PHF14: variants seen among roughly 807,000 people sequenced by gnomAD.
PHF14 encodes PHD finger protein 14.
In PHF14, 55 loss-of-function variants were observed where a neutral mutation model predicts 117.9. That is an observed-to-expected ratio of 0.47 (90% CI 0.38 to 0.58). The LOEUF (loss-of-function observed/expected upper bound fraction) is 0.58, where lower values mean the gene tolerates loss of function less well. Among genes scored for constraint, PHF14 ranks in the 20% least tolerant of loss-of-function variants. The probability of loss-of-function intolerance (pLI) is 0.00; values close to 1 mark genes in which losing one functional copy is unlikely to be tolerated. For synonymous variants in PHF14, 409 were observed against 368.6 expected (o/e 1.11, Z -1.26); for missense variants, 978 against 1,122.2 (o/e 0.87, Z 1.84).
intron 5 of PHF14, among the ~76,000 whole-genome samples, chr7:11,016,575 C>T (rs945844586): frequency 1.3e-5 from 2 of 151,710 alleles, no homozygotes; most frequent in East Asian, 1.9e-4. Flanking sequence ...TTGGCATGCT[C>T]TCCTTTTTTA....
chr7:11,003,721 C>T (rs1424307727), intron 4 of PHF14, among the ~76,000 whole-genome samples: 2 of 152,070 alleles, frequency 1.3e-5, no homozygotes, highest in African/African-American at 4.8e-5. Flanking sequence ...AAGTTTATTA[C>T]CTTGAATTAA....
intron 17 of PHF14, among the ~76,000 whole-genome samples, chr7:11,116,919 T>C (rs946174423): frequency 6.6e-6 from 1 of 151,944 alleles, no homozygotes. Flanking sequence ...ATATTGTATA[T>C]TGCCATATAA....
intron 4 of PHF14, among the ~76,000 whole-genome samples, chr7:11,001,923 C>G (rs1782889277): frequency 6.6e-6 from 1 of 152,070 alleles, no homozygotes; most frequent in South Asian, 2.1e-4. Context: ...TGCCTCATAC[C>G]TCATCTTTGT....
intron 6 of PHF14, among the ~76,000 whole-genome samples, chr7:11,025,758 G>C (rs575001750): frequency 6.6e-6 from 1 of 152,058 alleles, no homozygotes; most frequent in Admixed American, 6.5e-5. Context: ...TCGTGCCATT[G>C]CCCTCCAGCC....
intron 13 of PHF14, among the ~76,000 whole-genome samples, chr7:11,047,643 T>C (rs1784715055): frequency 1.3e-5 from 2 of 149,804 alleles, no homozygotes; most frequent in Non-Finnish European, 3.0e-5. Flanking sequence ...AAAAATTAGC[T>C]AGGAATGGTG....
intron 16 of PHF14, among the ~76,000 whole-genome samples, chr7:11,070,744 G>C (rs1453177210): frequency 6.6e-6 from 1 of 152,198 alleles, no homozygotes; most frequent in African/African-American, 2.4e-5. Context: ...GGTGAGTATA[G>C]CATCTGGACC....
intron 17 of PHF14, among the ~76,000 whole-genome samples, chr7:11,142,082 G>A (rs1419724457): frequency 1.3e-5 from 2 of 151,930 alleles, no homozygotes; most frequent in African/African-American, 4.8e-5. Context: ...GTTGTTGTTA[G>A]TTTTGCTGCT....
chr7:11,024,862 A>C (rs1783856064), intron 6 of PHF14, among the ~76,000 whole-genome samples: 1 of 152,246 alleles, frequency 6.6e-6, no homozygotes, highest in Admixed American at 6.5e-5. Flanking sequence ...TGGATCAAGG[A>C]GTCATTTTGA....
At chr7:11,042,465 C>G (rs1413685151) in intron 12 of PHF14, among the ~76,000 whole-genome samples, 2 of 151,768 alleles carry the variant, frequency 1.3e-5, no homozygotes, top group African/African-American at 2.4e-5. Context: ...TAAATTTTTA[C>G]CAGATCCAAG....
chr7:11,139,651 G>A (rs1246493508), intron 17 of PHF14, among the ~76,000 whole-genome samples: 2 of 152,156 alleles, frequency 1.3e-5, no homozygotes, highest in Non-Finnish European at 2.9e-5. Context: ...TAAAGTACTG[G>A]AGGTTTAAAA....
chr7:11,150,584 AT>A (rs2128353872), intron 17 of PHF14, among the ~76,000 whole-genome samples: 1 of 152,322 alleles, frequency 6.6e-6, no homozygotes, highest in East Asian at 1.9e-4. Context: ...GCATCATTAA[AT>A]TTTTAAGTAA....
At chr7:11,001,309 G>C (rs1680478716) in intron 4 of PHF14, among the ~76,000 whole-genome samples, 1 of 152,116 alleles carries the variant, frequency 6.6e-6, no homozygotes, top group Non-Finnish European at 1.5e-5. Flanking sequence ...TTCATAGTAA[G>C]TCTTGAAGTT....
At chr7:11,103,312 T>C (rs1787153483) in intron 16 of PHF14, 1 of 878,056 alleles carries the variant, frequency 1.1e-6, no homozygotes, top group Non-Finnish European at 1.4e-6. Flanking sequence ...TGTTTTAATA[T>C]AAGCTTTCTG....
At chr7:10,993,682 G>A (rs979914909) in intron 4 of PHF14, among the ~76,000 whole-genome samples, 1 of 152,120 alleles carries the variant, frequency 6.6e-6, no homozygotes, top group Non-Finnish European at 1.5e-5. Context: ...TGTGAGGGTG[G>A]TTGGGTGAGT....
intron 5 of PHF14, among the ~76,000 whole-genome samples, chr7:11,021,294 GA>G (rs1202879231): frequency 3.3e-5 from 5 of 152,096 alleles, no homozygotes; most frequent in East Asian, 1.9e-4. Flanking sequence ...TAACAAGGAA[GA>G]TTTTTTTTTA....
chr7:11,090,052 T>G (rs562195373), intron 16 of PHF14, among the ~76,000 whole-genome samples: 17 of 152,368 alleles, frequency 1.1e-4, no homozygotes, highest in Non-Finnish European at 2.2e-4. Context: ...ATTACAGGCG[T>G]GAGCCACCTC....
At position 10,974,863 on chromosome 7, in the gene PHF14, G is replaced by T. The variant is rs1450237925; in HGVS notation, c.30G>T (p.Val10=). The T allele has an allele frequency of 6.3e-7, 1 of 1,591,348 alleles. No individual in the cohort carries two copies. Among genetic ancestry groups the T allele is most frequent in the African/African-American group, 1.3e-5 (1 of 74,542 alleles). The change falls in exon 2 of 18, where the codon GTG becomes GTT. Residue 10 remains valine (V), a synonymous_variant. Transcript: ENST00000634607. ...ATCGCAGCTCCAAGAGGAGGCAGGT[G>T]AAGCCTTTGGCAGCTTCTCTGCTGG... MDRSSKRRQ[V]KPLAASLLEA... is the part of the protein sequence containing the mutation.
intron 16 of PHF14, among the ~76,000 whole-genome samples, chr7:11,081,876 A>G (rs1221242541): frequency 6.6e-6 from 1 of 151,920 alleles, no homozygotes; most frequent in Non-Finnish European, 1.5e-5. Context: ...AAAGAGATTT[A>G]TGATCTTAAT....
intron 10 of PHF14, among the ~76,000 whole-genome samples, chr7:11,037,499 A>G (rs1237098567): frequency 2.0e-5 from 3 of 152,204 alleles, no homozygotes; most frequent in Admixed American, 6.5e-5. Flanking sequence ...TCTAATCAAT[A>G]AACATTGCTA....
Sources: gnomAD v4.1 joint callset for allele counts (sites outside exome capture counted in the v4.1 genomes callset) on GRCh38, gnomAD v4.1.1 for gene constraint, MANE v1.5 for transcripts, NCBI Gene and HGNC (gene_info 2026-07-23, HGNC 2026-07-21) for gene names.